The following RBPMS2 variants were observed in gnomAD, a reference collection of about 807,000 sequenced individuals.
RBPMS2 encodes the protein RNA-binding protein with multiple splicing 2.
Under a neutral mutation model 25.7 loss-of-function variants are expected in RBPMS2, and 14 were observed. The ratio of observed to expected loss-of-function variants is 0.55; its 90% CI spans 0.36 to 0.85. RBPMS2 has a LOEUF of 0.85. Ranked by LOEUF, RBPMS2 falls within the 40% of genes least tolerant of loss-of-function variation. The pLI is 0.01. For synonymous variants in RBPMS2, 127 were observed against 115.6 expected (o/e 1.10, Z -0.63); for missense variants, 252 against 283.4 (o/e 0.89, Z 0.80).
chr15:64,762,362 G>A (rs767538939), intron 1 of RBPMS2: 1 of 376,218 alleles, frequency 2.7e-6, no homozygotes. Flanking sequence ...TTGGGGATGG[G>A]TGCTGGAGCA....
intron 1 of RBPMS2, among the ~76,000 whole-genome samples, chr15:64,765,213 C>G (rs1428412076): frequency 9.7e-6 from 1 of 103,488 alleles, no homozygotes; most frequent in Non-Finnish European, 1.8e-5. Flanking sequence ...GGCGACAGAG[C>G]GAGACTCTGT....
chr15:64,770,539 C>T (rs1401556900), intron 1 of RBPMS2, among the ~76,000 whole-genome samples: 1 of 152,154 alleles, frequency 6.6e-6, no homozygotes, highest in Non-Finnish European at 1.5e-5. Flanking sequence ...GACACATCCA[C>T]AATAACTCCC....
intron 1 of RBPMS2, among the ~76,000 whole-genome samples, chr15:64,764,840 C>T (rs959893051): frequency 2.0e-5 from 3 of 150,734 alleles, no homozygotes; most frequent in African/African-American, 7.3e-5. Flanking sequence ...ATGGTGTGAA[C>T]CCGGGAGGTG....
chr15:64,740,761 G>T lies in RBPMS2; in HGVS notation c.*247C>A, dbSNP rs2083553699. 6.2e-6 allele frequency: 1 copy of T among 160,734 alleles called. No homozygotes were observed. Among genetic ancestry groups the T allele is most frequent in the South Asian group, 1.8e-4 (1 of 5,626 alleles). 10.0% of individuals were successfully genotyped at this position (160,734 alleles called of 1,614,324 possible). ...AGTGAGGCCTCCGAGCTGGATCTGG[G>T]CGCCCCAGGGAGAAAGTCCCCAAAT... On this transcript the variant is annotated 3_prime_UTR_variant, in exon 8 of 8. Transcript: ENST00000300069.
At chr15:64,774,856 T>C (rs1218599069) in intron 1 of RBPMS2, among the ~76,000 whole-genome samples, 2 of 151,382 alleles carry the variant, frequency 1.3e-5, no homozygotes, top group Non-Finnish European at 3.0e-5. Flanking sequence ...GGCGGGGTCC[T>C]GGCCACGCAG....
intron 1 of RBPMS2, chr15:64,762,250 G>T: frequency 2.4e-6 from 1 of 424,666 alleles, no homozygotes; most frequent in Non-Finnish European, 4.7e-6. Context: ...ATGCCACGGT[G>T]AATCCTACAT....
intron 1 of RBPMS2, among the ~76,000 whole-genome samples, chr15:64,768,127 T>C (rs1294094259): frequency 2.0e-5 from 3 of 152,234 alleles, no homozygotes. Flanking sequence ...TTAGTTAAAA[T>C]GCCCAAAGCA....
chr15:64,745,065 C>T (rs1289023527), intron 6 of RBPMS2, among the ~76,000 whole-genome samples: 2 of 151,988 alleles, frequency 1.3e-5, no homozygotes, highest in East Asian at 1.9e-4. Flanking sequence ...CTGCCCACCT[C>T]GGCCTCCCAA....
intron 6 of RBPMS2, among the ~76,000 whole-genome samples, chr15:64,741,547 G>A (rs1475065295): frequency 6.6e-6 from 1 of 152,246 alleles, no homozygotes. Flanking sequence ...GCAGCTGGGG[G>A]CAGTGGTGCC....
chr15:64,763,976 G>C (rs1450171707), intron 1 of RBPMS2, among the ~76,000 whole-genome samples: 2 of 152,186 alleles, frequency 1.3e-5, no homozygotes, highest in Non-Finnish European at 2.9e-5. Context: ...CCTGGTCAAA[G>C]CCTGTTGTGT....
At chr15:64,764,819 G>A (rs1448735538) in intron 1 of RBPMS2, among the ~76,000 whole-genome samples, 1 of 151,710 alleles carries the variant, frequency 6.6e-6, no homozygotes, top group Non-Finnish European at 1.5e-5. Context: ...TCAGGAGGCC[G>A]AGGCAGGAGA....
At chr15:64,774,050 G>A (rs1379572481) in intron 1 of RBPMS2, among the ~76,000 whole-genome samples, 3 of 152,256 alleles carry the variant, frequency 2.0e-5, no homozygotes, top group Non-Finnish European at 2.9e-5. Flanking sequence ...GCTGGCTGAA[G>A]GTCTCTGAAT....
chr15:64,771,186 C>G (rs536738899), intron 1 of RBPMS2, among the ~76,000 whole-genome samples: 1 of 152,272 alleles, frequency 6.6e-6, no homozygotes, highest in Non-Finnish European at 1.5e-5. Context: ...AATCTCCAAA[C>G]TCTTCAAGTT....
At chr15:64,770,326 A>T (rs182211404) in intron 1 of RBPMS2, among the ~76,000 whole-genome samples, 4 of 152,328 alleles carry the variant, frequency 2.6e-5, no homozygotes, top group Non-Finnish European at 1.5e-5. Context: ...CCCACTTAAT[A>T]GCTACATGAA....
intron 1 of RBPMS2, among the ~76,000 whole-genome samples, chr15:64,755,153 G>GT (rs2083721800): frequency 3.3e-5 from 5 of 152,070 alleles, no homozygotes; most frequent in African/African-American, 1.2e-4. Context: ...GTGAGTGTAG[G>GT]GGCTGTTTCC....
Position 64,775,206 on chromosome 15 carries a change from C to T in RBPMS2, c.87+27G>A, listed in dbSNP as rs559780909. On this transcript the variant is annotated intron_variant, in intron 1 of 7. Transcript: ENST00000300069. Reference sequence around the variant, plus strand: ...GCGCCCGCCTGGCGTGCGCTTCACCCGGCAAGTCCCGGGGCCACAGACCCA... The same window carrying T: ...GCGCCCGCCTGGCGTGCGCTTCACCTGGCAAGTCCCGGGGCCACAGACCCA... 281 of 1,204,242 alleles carry T rather than the reference C, an allele frequency of 2.3e-4. 5 individuals carry two copies. In the Admixed American group the frequency reaches 0.01, roughly 43 times the overall value. The allele number at this position is 1,204,242 out of a possible 1,614,324, so 74.6% of individuals were successfully genotyped here. A position where few individuals can be genotyped will look rare whatever the true frequency, so the allele number is the denominator to read the frequency against.
intron 1 of RBPMS2, among the ~76,000 whole-genome samples, chr15:64,757,068 G>C (rs2141067155): frequency 6.6e-6 from 1 of 150,590 alleles, no homozygotes; most frequent in Middle Eastern, 3.4e-3. Context: ...AAACTCTTAG[G>C]CTCAAGAGAT....
rs372396252 is a variant in RBPMS2, at chr15:64,751,618, G to A, written c.108C>T (p.Ser36=). The change falls in exon 2 of 8, where the codon AGC becomes AGT. Residue 36 remains serine (S), a synonymous_variant. Transcript: ENST00000300069. The part of the protein sequence containing the change: ...LEEEVRTLFV[S]GLPVDIKPRE... ...TGGGTTTAATGTCCACAGGGAGGCCGCTGACAAACAGTGTCCGGACCTGGA... is the reference window on the plus strand; with the variant it reads ...TGGGTTTAATGTCCACAGGGAGGCCACTGACAAACAGTGTCCGGACCTGGA... 16 of 1,613,882 alleles carry A rather than the reference G, an allele frequency of 9.9e-6. No homozygotes were observed. Among genetic ancestry groups the A allele is most frequent in the Non-Finnish European group, 1.3e-5 (15 of 1,179,904 alleles).
At position 64,761,911 on chromosome 15, in the gene RBPMS2, T is replaced by C. The variant is rs147743671; in HGVS notation, c.88-10273A>G. 3.1e-3 allele frequency among the ~76,000 whole-genome samples: 475 copies of C among 152,176 alleles called. 3 individuals carry two copies. Among genetic ancestry groups the C allele is most frequent in the African/African-American group, 0.011 (446 of 41,522 alleles). The stretch of plus-strand genomic sequence containing the variant: ...TTAGTAGAGATGGGGTTCCACCATG[T>C]TGGCCAGGCTGGTCTCAAAAACTCC... On this transcript the variant is annotated intron_variant, in intron 1 of 7. Transcript: ENST00000300069.
Sources: allele counts gnomAD v4.1 joint callset (sites outside exome capture counted in the v4.1 genomes callset), GRCh38; gene constraint gnomAD v4.1.1; transcripts MANE v1.5; gene names NCBI Gene and HGNC (gene_info 2026-07-23, HGNC 2026-07-21).